Variants in NHS observed in about 807,000 individuals in gnomAD.
The protein encoded by NHS is NHS actin remodeling regulator.
A neutral mutation model predicts 72.5 loss-of-function variants in NHS; 5 were observed. The ratio of observed to expected loss-of-function variants is 0.07; its 90% CI spans 0.04 to 0.14. NHS has a LOEUF of 0.14. NHS is among the 10% of genes least tolerant of loss of function. The pLI, the probability that NHS is intolerant of heterozygous loss-of-function variation, is 1.00. For synonymous variants in NHS, 464 were observed against 547.7 expected, an observed-to-expected ratio of 0.85 and a Z score of 2.13; for missense variants, 1,072 against 1,355.7, an observed-to-expected ratio of 0.79 and a Z score of 3.29.
intron 1 of NHS, among the ~76,000 whole-genome samples, chrX:17,664,338 T>A (rs925985186): frequency 8.9e-6 from 1 of 112,070 alleles, no homozygotes; most frequent in African/African-American, 3.2e-5. Flanking sequence ...TATGTTTAGG[T>A]CTATGGTCCT....
At position 17,687,514 on chromosome X, in the gene NHS, T is replaced by C; in HGVS notation, c.566-228T>C. 1.1e-5 allele frequency: 5 copies of C among 453,712 alleles called. No individual in the cohort carries two copies. In the South Asian group the frequency reaches 1.2e-4, roughly 11 times the overall value. 37.4% of individuals were successfully genotyped at this position (453,712 alleles called of 1,213,427 possible). On this transcript the variant is annotated intron_variant, in intron 1 of 8. Coordinates refer to ENST00000676302, the MANE Select transcript of NHS (RefSeq NM_001291867.2). Reference sequence around the variant, plus strand: ...AAATTAGCTAGTCATAGGTAGACGGTTGGTGTCTTGGAGCCTCCCGTGCCT... The same window carrying C: ...AAATTAGCTAGTCATAGGTAGACGGCTGGTGTCTTGGAGCCTCCCGTGCCT...
At chrX:17,552,971 A>C (rs2065344176) in intron 1 of NHS, among the ~76,000 whole-genome samples, 1 of 112,846 alleles carries the variant, frequency 8.9e-6, no homozygotes, top group Non-Finnish European at 1.9e-5. Flanking sequence ...CAAAGTTCTC[A>C]CAGCTTTCAG....
intron 1 of NHS, among the ~76,000 whole-genome samples, chrX:17,383,497 G>A (rs2064389503): frequency 8.9e-6 from 1 of 112,175 alleles, no homozygotes; most frequent in African/African-American, 3.2e-5. Flanking sequence ...GGCTGTACAG[G>A]AGCCATGGCC....
intron 1 of NHS, among the ~76,000 whole-genome samples, chrX:17,685,102 T>C (rs1484462469): frequency 8.9e-6 from 1 of 111,819 alleles, no homozygotes; most frequent in Non-Finnish European, 1.9e-5. Context: ...GGAATAGATT[T>C]TTTAAAGAAG....
intron 1 of NHS, among the ~76,000 whole-genome samples, chrX:17,441,934 C>T (rs911511077): frequency 2.7e-5 from 3 of 112,062 alleles, no homozygotes; most frequent in African/African-American, 9.7e-5. Context: ...GAATGAGCGT[C>T]GGAATCACCT....
intron 1 of NHS, among the ~76,000 whole-genome samples, chrX:17,633,544 T>G (rs2147069618): frequency 8.9e-6 from 1 of 112,309 alleles, no homozygotes; most frequent in Non-Finnish European, 1.9e-5. Context: ...AGCCCAGCTT[T>G]CCCCTCAGCC....
chrX:17,619,689 C>T (rs1487498203), intron 1 of NHS, among the ~76,000 whole-genome samples: 1 of 112,172 alleles, frequency 8.9e-6, no homozygotes, highest in Non-Finnish European at 1.9e-5. Flanking sequence ...CTGATCATTT[C>T]AGTAAGTGGC....
In NHS at chrX:17,687,793, C is replaced by T; in HGVS notation, c.617C>T (p.Pro206Leu). The T allele has an allele frequency of 8.3e-7, 1 of 1,212,033 alleles. No homozygotes were observed. The highest frequency in any genetic ancestry group is 1.1e-6 in the Non-Finnish European group (1 of 895,546). The change falls in exon 2 of 9, where the codon CCG becomes CTG. Residue 206 changes from proline to leucine, a missense_variant. Physicochemically the swap from Pro to Leu is moderately conservative, Grantham distance 98. Coordinates refer to ENST00000676302, the MANE Select transcript of NHS (RefSeq NM_001291867.2). ...ESKLSVYYRAPWHQQRNIFLP... is the reference protein window; with the variant it reads ...ESKLSVYYRALWHQQRNIFLP... ...AAGCTGAGTGTGTACTACCGCGCCC[C>T]GTGGCACCAGCAGCGCAACATCTTC...
At position 17,727,972 on chromosome X, in the gene NHS, T is replaced by G. The variant is rs2066461446; in HGVS notation, c.3866T>G (p.Ile1289Arg). ...AARPNDLDGKIIQYGPGPDET... is the reference protein window; with the variant it reads ...AARPNDLDGKRIQYGPGPDET... Reference sequence around the variant, plus strand: ...CGCCCAAATGATTTGGATGGTAAAATAATACAATATGGACCTGGTCCAGAC... The same window carrying G: ...CGCCCAAATGATTTGGATGGTAAAAGAATACAATATGGACCTGGTCCAGAC... The change falls in exon 7 of 9, where the codon ATA (isoleucine) becomes AGA (arginine). Residue 1289 changes from isoleucine to arginine, a missense_variant. Ile to Arg is a moderately conservative substitution (Grantham distance 97). Coordinates refer to ENST00000676302, the MANE Select transcript of NHS (RefSeq NM_001291867.2). The G allele has an allele frequency of 8.3e-7, 1 of 1,209,252 alleles. No individual in the cohort carries two copies. Among genetic ancestry groups the G allele is most frequent in the Non-Finnish European group, 1.1e-6 (1 of 895,062 alleles).
intron 1 of NHS, among the ~76,000 whole-genome samples, chrX:17,480,505 A>G (rs1161828341): frequency 9.0e-6 from 1 of 111,723 alleles, no homozygotes; most frequent in Non-Finnish European, 1.9e-5. Context: ...GATCTTTGAC[A>G]AACCTGACAA....
chrX:17,376,816 C>A (rs2146835391), intron 1 of NHS, among the ~76,000 whole-genome samples: 1 of 112,856 alleles, frequency 8.9e-6, no homozygotes, highest in African/African-American at 3.2e-5. Flanking sequence ...GCTGCAGCAC[C>A]GCGGCTGTTT....
chrX:17,692,506 C>CTGAGGAAACA, intron 3 of NHS, 38 bp downstream of exon 3: 2 of 1,208,098 alleles, frequency 1.7e-6, no homozygotes, highest in Non-Finnish European at 2.2e-6. Flanking sequence ...ATGCTTGCTG[C>CTGAGGAAACA]TGAGGAAACA....
chrX:17,386,742 C>T (rs1280865514), intron 1 of NHS, among the ~76,000 whole-genome samples: 1 of 109,520 alleles, frequency 9.1e-6, no homozygotes, highest in Non-Finnish European at 1.9e-5. Flanking sequence ...TTGCATGACA[C>T]TGTTGGTGTA....
intron 1 of NHS, among the ~76,000 whole-genome samples, chrX:17,602,834 A>AT (rs34067989): frequency 0.028 from 2,349 of 83,230 alleles, 45 homozygotes; most frequent in African/African-American, 0.04. Flanking sequence ...CACAACTACA[A>AT]TTTTTTTTTT....
chrX:17,494,692 AG>A (rs1265613592), intron 1 of NHS, among the ~76,000 whole-genome samples: 1 of 112,459 alleles, frequency 8.9e-6, no homozygotes, highest in Non-Finnish European at 1.9e-5. Flanking sequence ...CCAAGATCAC[AG>A]TCACATAGCA....
At chrX:17,508,099 G>A (rs2065068100) in intron 1 of NHS, among the ~76,000 whole-genome samples, 2 of 111,045 alleles carry the variant, frequency 1.8e-5, no homozygotes. Context: ...CAATTCAGTG[G>A]CATCTAGTAC....
intron 1 of NHS, among the ~76,000 whole-genome samples, chrX:17,382,181 G>T (rs1174483469): frequency 9.0e-6 from 1 of 111,614 alleles, no homozygotes; most frequent in Admixed American, 9.5e-5. Flanking sequence ...TAAATCATGT[G>T]TCGTGGTGGT....
intron 1 of NHS, among the ~76,000 whole-genome samples, chrX:17,658,589 A>C (rs2065968280): frequency 8.9e-6 from 1 of 112,202 alleles, no homozygotes; most frequent in South Asian, 3.7e-4. Flanking sequence ...CTAGTCTTCT[A>C]GTGGAGACTT....
At chrX:17,634,658 C>T (rs907514676) in intron 1 of NHS, among the ~76,000 whole-genome samples, 8 of 94,104 alleles carry the variant, frequency 8.5e-5, no homozygotes, top group African/African-American at 2.1e-4. Flanking sequence ...TCTTGCTATG[C>T]GCTATTACTG....
Sources: gnomAD v4.1 joint callset for allele counts (sites outside exome capture counted in the v4.1 genomes callset) on GRCh38, gnomAD v4.1.1 for gene constraint, MANE v1.5 for transcripts, NCBI Gene and HGNC (gene_info 2026-07-23, HGNC 2026-07-21) for gene names.